ZBTB20: variants seen among roughly 807,000 people sequenced by gnomAD.
ZBTB20 encodes zinc finger and BTB domain containing 20.
A neutral mutation model predicts 56.9 loss-of-function variants in ZBTB20; 9 were observed. The observed-to-expected ratio is 0.16, with a 90% CI of 0.10 to 0.28. The LOEUF is 0.28. ZBTB20 is among the 10% of genes least tolerant of loss of function. The pLI is 1.00. For missense variants in ZBTB20, 655 were observed against 1,003.0 expected (o/e 0.65, Z 4.69); for synonymous variants, 417 against 420.7 (o/e 0.99, Z 0.11).
chr3:114,783,243 A>G (rs2070245090), intron 5 of ZBTB20, among the ~76,000 whole-genome samples: 1 of 152,228 alleles, frequency 6.6e-6, no homozygotes, highest in South Asian at 2.1e-4. Flanking sequence ...AACTCATTAC[A>G]TAAATATGGC....
At chr3:114,656,508 T>C (rs955858645) in intron 6 of ZBTB20, among the ~76,000 whole-genome samples, 3 of 152,176 alleles carry the variant, frequency 2.0e-5, no homozygotes, top group African/African-American at 7.2e-5. Flanking sequence ...GATATTGTTG[T>C]ACAGATCACT....
chr3:114,742,208 G>A (rs1478194363), intron 5 of ZBTB20, among the ~76,000 whole-genome samples: 3 of 152,194 alleles, frequency 2.0e-5, no homozygotes, highest in South Asian at 2.1e-4. Flanking sequence ...AATCTTGGTG[G>A]GAAGGGGGAG....
At chr3:115,099,491 T>G (rs2083499412) in intron 1 of ZBTB20, among the ~76,000 whole-genome samples, 1 of 152,190 alleles carries the variant, frequency 6.6e-6, no homozygotes, top group African/African-American at 2.4e-5. Flanking sequence ...AATACCTTAT[T>G]TGTTTAAAAA....
chr3:114,797,545 C>A (rs1186380860), intron 5 of ZBTB20, among the ~76,000 whole-genome samples: 1 of 151,720 alleles, frequency 6.6e-6, no homozygotes, highest in Non-Finnish European at 1.5e-5. Context: ...AAGAAAGATG[C>A]GATTTTCCCA....
intron 6 of ZBTB20, among the ~76,000 whole-genome samples, chr3:114,517,259 A>T (rs187093493): frequency 8.9e-4 from 135 of 152,354 alleles, no homozygotes; most frequent in African/African-American, 3.1e-3. Context: ...CATTATTGGC[A>T]GATCAAGTTC....
chr3:114,747,285 GC>G (rs1318074464), intron 5 of ZBTB20, among the ~76,000 whole-genome samples: 1 of 152,084 alleles, frequency 6.6e-6, no homozygotes, highest in Non-Finnish European at 1.5e-5. Flanking sequence ...CATATTTTTG[GC>G]CAGGCGCAGT....
At chr3:114,554,366 G>A (rs572110885) in intron 6 of ZBTB20, among the ~76,000 whole-genome samples, 2 of 152,232 alleles carry the variant, frequency 1.3e-5, no homozygotes, top group Admixed American at 1.3e-4. Flanking sequence ...GTGGCAGGGA[G>A]AGATGGATTT....
intron 4 of ZBTB20, among the ~76,000 whole-genome samples, chr3:114,855,257 G>C (rs538445141): frequency 6.6e-6 from 1 of 152,208 alleles, no homozygotes; most frequent in African/African-American, 2.4e-5. Context: ...ATTTAATGGA[G>C]GTCTTCAAAC....
intron 3 of ZBTB20, among the ~76,000 whole-genome samples, chr3:114,942,594 T>A (rs1049392354): frequency 6.9e-6 from 1 of 145,504 alleles, no homozygotes; most frequent in Non-Finnish European, 1.5e-5. Flanking sequence ...GTAGCTTATA[T>A]CAAATCACCC....
chr3:114,657,407 C>T (rs2060474551), intron 6 of ZBTB20, among the ~76,000 whole-genome samples: 1 of 152,226 alleles, frequency 6.6e-6, no homozygotes, highest in Non-Finnish European at 1.5e-5. Flanking sequence ...TTTGTCTCCT[C>T]TTCATCTAAT....
At chr3:114,550,838 C>T (rs1412683355) in intron 6 of ZBTB20, among the ~76,000 whole-genome samples, 1 of 152,172 alleles carries the variant, frequency 6.6e-6, no homozygotes, top group Non-Finnish European at 1.5e-5. Flanking sequence ...GCAACCTCTG[C>T]CTCCTGGGTT....
chr3:114,469,079 G>T lies in ZBTB20; in HGVS notation c.-255+31273C>A, dbSNP rs78175409. ...TGAAATCTCTTTAACCTTAAAGGTT[G>T]GCTCAAATTATTTTAAATATTCTGT... is the stretch of plus-strand genomic sequence containing the variant. On this transcript the variant is annotated intron_variant, in intron 7 of 11. Transcript: ENST00000675478. Among the ~76,000 whole-genome samples the T allele has an allele frequency of 7.3e-4, 109 of 148,478 alleles. 3 individuals are homozygous for T. In the East Asian group the frequency reaches 0.015, roughly 20 times the overall value.
At chr3:114,680,402 T>C (rs914224999) in intron 6 of ZBTB20, among the ~76,000 whole-genome samples, 1 of 152,206 alleles carries the variant, frequency 6.6e-6, no homozygotes, top group African/African-American at 2.4e-5. Flanking sequence ...GCTATTTATC[T>C]CCAAGTTTCT....
At chr3:114,806,752 T>C (rs2072134602) in intron 4 of ZBTB20, among the ~76,000 whole-genome samples, 1 of 152,038 alleles carries the variant, frequency 6.6e-6, no homozygotes. Flanking sequence ...CATGATTAAA[T>C]TTTTGTGCAG....
intron 6 of ZBTB20, among the ~76,000 whole-genome samples, chr3:114,690,421 T>G (rs376040309): frequency 3.3e-5 from 5 of 152,154 alleles, no homozygotes; most frequent in Non-Finnish European, 7.3e-5. Flanking sequence ...ACATCACTAC[T>G]GAATAGTCAC....
At chr3:114,465,896 C>T (rs2092530236) in intron 7 of ZBTB20, among the ~76,000 whole-genome samples, 1 of 152,140 alleles carries the variant, frequency 6.6e-6, no homozygotes, top group Non-Finnish European at 1.5e-5. Context: ...CTCATCTCTT[C>T]TCTTATACAT....
intron 6 of ZBTB20, among the ~76,000 whole-genome samples, chr3:114,644,552 TACC>T (rs1463431806): frequency 7.9e-5 from 12 of 152,102 alleles, no homozygotes; most frequent in African/African-American, 2.9e-4. Context: ...CACAATGAAA[TACC>T]ATCTTATACC....
At chr3:114,952,298 G>A (rs1199604698) in intron 3 of ZBTB20, among the ~76,000 whole-genome samples, 1 of 151,882 alleles carries the variant, frequency 6.6e-6, no homozygotes, top group African/African-American at 2.4e-5. Context: ...GAATAGTTTG[G>A]CCCAGTGTCC....
chr3:115,027,440 T>C (rs1389950782), intron 2 of ZBTB20: 1 of 151,014 alleles, frequency 6.6e-6, no homozygotes, highest in African/African-American at 2.4e-5. Context: ...TCTCTTTTCA[T>C]GAGCTTATCA....
Sources: gnomAD v4.1 joint callset for allele counts (sites outside exome capture counted in the v4.1 genomes callset) on GRCh38, gnomAD v4.1.1 for gene constraint, MANE v1.5 for transcripts, NCBI Gene and HGNC (gene_info 2026-07-23, HGNC 2026-07-21) for gene names.